The following JAK1 variants were observed in gnomAD, a reference collection of about 807,000 sequenced individuals.
JAK1 encodes tyrosine-protein kinase JAK1.
In JAK1, 16 loss-of-function variants were observed where a neutral mutation model predicts 136.6. The ratio of observed to expected loss-of-function variants is 0.12; its 90% CI spans 0.08 to 0.18. JAK1 has a LOEUF of 0.18. Among genes scored for constraint, JAK1 ranks in the 10% least tolerant of loss-of-function variants. The pLI is 1.00. For missense variants in JAK1, 859 were observed against 1,450.1 expected (o/e 0.59, Z 6.62); for synonymous variants, 492 against 519.5 (o/e 0.95, Z 0.72).
intron 2 of JAK1, among the ~76,000 whole-genome samples, chr1:65,002,168 T>C (rs1214981142): frequency 1.3e-5 from 2 of 152,244 alleles, no homozygotes; most frequent in African/African-American, 2.4e-5. Flanking sequence ...TACGTATGTT[T>C]GTGTGTATAT....
At chr1:65,022,438 G>C (rs953598407) in intron 2 of JAK1, among the ~76,000 whole-genome samples, 4 of 152,132 alleles carry the variant, frequency 2.6e-5, no homozygotes, top group Admixed American at 2.6e-4. Context: ...TCATGTGAGG[G>C]AAGTTTGTAA....
chr1:65,020,521 T>C (rs1039261506), intron 2 of JAK1, among the ~76,000 whole-genome samples: 26 of 152,208 alleles, frequency 1.7e-4, no homozygotes, highest in Admixed American at 6.5e-5. Context: ...TGGATCACAG[T>C]ACTGGTTATG....
At chr1:65,058,365 T>G (rs1647641571) in intron 1 of JAK1, 1 of 533,512 alleles carries the variant, frequency 1.9e-6, no homozygotes. Context: ...AGCCACCTGT[T>G]TCACATTCCT....
intron 1 of JAK1, among the ~76,000 whole-genome samples, chr1:64,887,131 C>A (rs1644864393): frequency 6.6e-6 from 1 of 152,156 alleles, no homozygotes; most frequent in African/African-American, 2.4e-5. Context: ...AACCTAAAAT[C>A]AATAGTGTGA....
At chr1:64,922,104 G>C (rs992793401) in intron 1 of JAK1, among the ~76,000 whole-genome samples, 11 of 151,526 alleles carry the variant, frequency 7.3e-5, no homozygotes, top group African/African-American at 2.4e-4. Context: ...AATTCCCTAA[G>C]CAGCCCACAG....
chr1:65,024,339 T>C (rs1044527734), intron 2 of JAK1, among the ~76,000 whole-genome samples: 1 of 152,198 alleles, frequency 6.6e-6, no homozygotes, highest in Non-Finnish European at 1.5e-5. Flanking sequence ...TTGATTTGCA[T>C]TTTCTTAATG....
intron 1 of JAK1, among the ~76,000 whole-genome samples, chr1:65,060,819 A>G (rs1351011650): frequency 6.6e-6 from 1 of 152,190 alleles, no homozygotes; most frequent in East Asian, 1.9e-4. Context: ...GCATTTTTGA[A>G]AATTTAAATC....
At chr1:64,861,330 G>A (rs542067992) in intron 8 of JAK1, among the ~76,000 whole-genome samples, 13 of 152,276 alleles carry the variant, frequency 8.5e-5, no homozygotes, top group African/African-American at 3.1e-4. Flanking sequence ...AGAGCAGAGT[G>A]TCTTACTCAG....
intron 1 of JAK1, among the ~76,000 whole-genome samples, chr1:64,936,243 C>T (rs11208548): frequency 0.013 from 1,908 of 152,314 alleles, 41 homozygotes; most frequent in African/African-American, 0.044. Flanking sequence ...CATTCACCCT[C>T]CTCCTCCATG....
At chr1:65,050,757 G>A (rs1042880462) in intron 1 of JAK1, among the ~76,000 whole-genome samples, 3 of 152,148 alleles carry the variant, frequency 2.0e-5, no homozygotes, top group African/African-American at 7.2e-5. Flanking sequence ...ACACATGCTG[G>A]GTCTAACTCT....
chr1:64,903,858 T>C (rs958788979), intron 1 of JAK1, among the ~76,000 whole-genome samples: 9 of 152,242 alleles, frequency 5.9e-5, no homozygotes, highest in Non-Finnish European at 1.3e-4. Flanking sequence ...ATGTCCAATC[T>C]ATCTTTGTCC....
chr1:65,008,453 TAA>T (rs1646821371), intron 2 of JAK1, among the ~76,000 whole-genome samples: 1 of 152,130 alleles, frequency 6.6e-6, no homozygotes, highest in African/African-American at 2.4e-5. Flanking sequence ...TTTTTTTCTT[TAA>T]GAGACAGAGT....
chr1:65,033,594 A>G (rs1647042399), intron 2 of JAK1, among the ~76,000 whole-genome samples: 1 of 152,160 alleles, frequency 6.6e-6, no homozygotes, highest in Non-Finnish European at 1.5e-5. Context: ...AAATAATTAG[A>G]AAACATTGCC....
At chr1:65,052,673 G>A (rs1319331806) in intron 1 of JAK1, among the ~76,000 whole-genome samples, 1 of 151,942 alleles carries the variant, frequency 6.6e-6, no homozygotes, top group Non-Finnish European at 1.5e-5. Context: ...ACTTAGCCGG[G>A]TGTGGTGGTG....
intron 12 of JAK1, among the ~76,000 whole-genome samples, chr1:64,850,289 G>A (rs1328174662): frequency 6.6e-6 from 1 of 152,172 alleles, no homozygotes; most frequent in East Asian, 1.9e-4. Context: ...TGTAGATTCT[G>A]GGCAAAAAGG....
In JAK1 at chr1:64,866,867, T is replaced by C; in HGVS notation, c.989A>G (p.Asn330Ser). The C allele has an allele frequency of 6.2e-7, 1 of 1,605,134 alleles. No homozygotes were observed. The highest frequency in any genetic ancestry group is 8.5e-7 in the Non-Finnish European group (1 of 1,173,200). The change falls in exon 7 of 25, where the codon AAT (asparagine) becomes AGT (serine). Residue 330 changes from asparagine (N) to serine (S), a missense_variant and splice_region_variant. Coordinates refer to ENST00000342505, the MANE Select transcript of JAK1 (RefSeq NM_002227.4). ...NLGIQWRHKPNVVSVEKEKNK... is the reference protein window; with the variant it reads ...NLGIQWRHKPSVVSVEKEKNK... ...GATCGACTGCCAACAGCCACTTACA[T>C]TTGGTTTATGCCTCCACTGGATTCC...
intron 1 of JAK1, among the ~76,000 whole-genome samples, chr1:64,944,221 CAAAAAAAAA>C (rs771660692): frequency 1.6e-5 from 1 of 63,396 alleles, no homozygotes; most frequent in African/African-American, 5.5e-5. Flanking sequence ...GACTCTGTCT[CAAAAAAAAA>C]AAAAAAAAAA....
chr1:65,054,292 G>C (rs1451462261), intron 1 of JAK1, among the ~76,000 whole-genome samples: 1 of 152,054 alleles, frequency 6.6e-6, no homozygotes, highest in Non-Finnish European at 1.5e-5. Context: ...TACTTGACTT[G>C]TAAGACTAAC....
At chr1:64,872,422 T>C (rs755271977) in intron 5 of JAK1, among the ~76,000 whole-genome samples, 11 of 152,358 alleles carry the variant, frequency 7.2e-5, no homozygotes, top group Non-Finnish European at 1.2e-4. Flanking sequence ...TCTCTGATCA[T>C]ATGATTTAAA....
Sources: gnomAD v4.1 joint callset for allele counts (sites outside exome capture counted in the v4.1 genomes callset) on GRCh38, gnomAD v4.1.1 for gene constraint, MANE v1.5 for transcripts, NCBI Gene and HGNC (gene_info 2026-07-23, HGNC 2026-07-21) for gene names.